The following NR2F1-AS1 variants were observed in gnomAD, a reference collection of about 807,000 sequenced individuals.
NR2F1-AS1 encodes NR2F1 antisense RNA 1.
chr5:93,518,670 C>T (rs1751444048), intron 4 of NR2F1-AS1, among the ~76,000 whole-genome samples: 1 of 152,046 alleles, frequency 6.6e-6, no homozygotes, highest in African/African-American at 2.4e-5. Context: ...TAATCTTCAA[C>T]TATTTAGTAT....
chr5:93,487,623 G>A (rs888796949), intron 4 of NR2F1-AS1, among the ~76,000 whole-genome samples: 1 of 152,156 alleles, frequency 6.6e-6, no homozygotes, highest in African/African-American at 2.4e-5. Flanking sequence ...AACATTCCAT[G>A]CTCATGGATA....
intron 4 of NR2F1-AS1, among the ~76,000 whole-genome samples, chr5:93,438,388 G>C (rs10866757): frequency 0.14 from 21,321 of 152,100 alleles, 1,866 homozygotes; most frequent in Admixed American, 0.24. Context: ...GCCCAAGTCA[G>C]AAACCTGACC....
At chr5:93,445,216 G>A (rs1220524212) in intron 4 of NR2F1-AS1, among the ~76,000 whole-genome samples, 2 of 152,208 alleles carry the variant, frequency 1.3e-5, no homozygotes. Flanking sequence ...AGAACTGAAG[G>A]AGATAGAGAC....
At chr5:93,536,325 T>C (rs924236895) in intron 4 of NR2F1-AS1, among the ~76,000 whole-genome samples, 2 of 152,166 alleles carry the variant, frequency 1.3e-5, no homozygotes, top group Admixed American at 6.5e-5. Context: ...CCCATGTTCA[T>C]AGACTGGAAG....
At chr5:93,513,956 C>T (rs1036357379) in intron 4 of NR2F1-AS1, among the ~76,000 whole-genome samples, 1 of 151,968 alleles carries the variant, frequency 6.6e-6, no homozygotes, top group African/African-American at 2.4e-5. Flanking sequence ...ATCCCCCCTA[C>T]CCAAAAAGGA....
chr5:93,430,986 G>C (rs547447543), intron 4 of NR2F1-AS1, among the ~76,000 whole-genome samples: 2 of 152,106 alleles, frequency 1.3e-5, no homozygotes, highest in Non-Finnish European at 2.9e-5. Flanking sequence ...ACCTCTGTTT[G>C]GGGTAGCTAC....
chr5:93,548,137 T>C (rs1049457166), intron 4 of NR2F1-AS1, among the ~76,000 whole-genome samples: 5 of 152,174 alleles, frequency 3.3e-5, no homozygotes, highest in Non-Finnish European at 5.9e-5. Context: ...AATCTCCAGA[T>C]ATTTCATTTC....
intron 2 of NR2F1-AS1, among the ~76,000 whole-genome samples, chr5:93,555,721 T>G (rs1349259276): frequency 6.6e-6 from 1 of 152,204 alleles, no homozygotes; most frequent in African/African-American, 2.4e-5. Flanking sequence ...CCATTAGGTC[T>G]GTTACCCACT....
chr5:93,464,005 T>C (rs987257468), intron 4 of NR2F1-AS1, among the ~76,000 whole-genome samples: 2 of 152,128 alleles, frequency 1.3e-5, no homozygotes, highest in African/African-American at 4.8e-5. Flanking sequence ...TGGGAAGGCA[T>C]GATTGGTTTT....
chr5:93,583,049 C>T (rs923915069), upstream of NR2F1-AS1, among the ~76,000 whole-genome samples: 2 of 152,136 alleles, frequency 1.3e-5, no homozygotes, highest in African/African-American at 2.4e-5. Context: ...TTCTCTCCCC[C>T]CGATTCAGGG....
rs560492774 is a variant in NR2F1-AS1 at position 93,537,370 on chromosome 5, A to ATT, written n.638+16389_638+16390dup. 1.4e-4 allele frequency among the ~76,000 whole-genome samples: 21 copies of ATT among 152,272 alleles called. No individual in the cohort carries two copies. The East Asian group carries it at 3.9e-3, about 28-fold the overall frequency. On this transcript the variant is annotated intron_variant and non_coding_transcript_variant, in intron 4 of 5. Transcript: ENST00000660523. ...CAATTAACAGAGTGAAGAAACAAAT[A>ATT]TTCTCCTATTCTCCTACAGAATAGG...
chr5:93,564,407 T>C (rs1443405533), intron 1 of NR2F1-AS1, among the ~76,000 whole-genome samples: 1 of 152,190 alleles, frequency 6.6e-6, no homozygotes, highest in African/African-American at 2.4e-5. Context: ...GTGAATATTA[T>C]GACTCAAGCT....
intron 4 of NR2F1-AS1, among the ~76,000 whole-genome samples, chr5:93,429,568 C>T (rs1053656862): frequency 6.6e-6 from 1 of 152,184 alleles, no homozygotes; most frequent in Admixed American, 6.5e-5. Context: ...AGGGGACATT[C>T]TAAATGGTTT....
At chr5:93,551,214 T>C (rs1024431882) in intron 4 of NR2F1-AS1, among the ~76,000 whole-genome samples, 3 of 152,098 alleles carry the variant, frequency 2.0e-5, no homozygotes, top group Non-Finnish European at 4.4e-5. Context: ...CTCCCCATTT[T>C]ATTTGAATTA....
At chr5:93,480,129 A>C (rs1750570719) in intron 4 of NR2F1-AS1, among the ~76,000 whole-genome samples, 1 of 152,134 alleles carries the variant, frequency 6.6e-6, no homozygotes, top group African/African-American at 2.4e-5. Flanking sequence ...AACTTCCAAA[A>C]TTTGATGAAA....
chr5:93,483,460 A>G (rs1200889316), intron 4 of NR2F1-AS1, among the ~76,000 whole-genome samples: 1 of 152,214 alleles, frequency 6.6e-6, no homozygotes, highest in Non-Finnish European at 1.5e-5. Flanking sequence ...AACATCAAAG[A>G]CCAACAGCAG....
chr5:93,506,399 C>T (rs1751186730), intron 4 of NR2F1-AS1, among the ~76,000 whole-genome samples: 1 of 152,154 alleles, frequency 6.6e-6, no homozygotes, highest in Admixed American at 6.5e-5. Context: ...AAGTCGCTTC[C>T]ACATTTTCAG....
intron 4 of NR2F1-AS1, among the ~76,000 whole-genome samples, chr5:93,484,740 T>C (rs1352383625): frequency 2.6e-5 from 2 of 76,616 alleles, no homozygotes; most frequent in Non-Finnish European, 5.5e-5. Context: ...AGGCTCAAAA[T>C]AAAGGGATGC....
chr5:93,462,217 G>A (rs539859856), intron 4 of NR2F1-AS1, among the ~76,000 whole-genome samples: 1 of 152,258 alleles, frequency 6.6e-6, no homozygotes, highest in Non-Finnish European at 1.5e-5. Flanking sequence ...AACCTGGTGG[G>A]AGGTGATTGA....
Sources: allele counts gnomAD v4.1 joint callset (sites outside exome capture counted in the v4.1 genomes callset), GRCh38; gene constraint gnomAD v4.1.1; transcripts MANE v1.5; gene names NCBI Gene and HGNC (gene_info 2026-07-23, HGNC 2026-07-21).